The following ETNPPL variants were observed in gnomAD, a reference collection of about 807,000 sequenced individuals.
The protein encoded by ETNPPL is ethanolamine-phosphate phospho-lyase.
A neutral mutation model predicts 55.5 loss-of-function variants in ETNPPL; 30 were observed. That is an observed-to-expected ratio of 0.54 (90% CI 0.40 to 0.73). The LOEUF (loss-of-function observed/expected upper bound fraction) is 0.73, where lower values mean the gene tolerates loss of function less well. Ranked by LOEUF, ETNPPL falls within the 30% of genes least tolerant of loss-of-function variation. The pLI, the probability that ETNPPL is intolerant of heterozygous loss-of-function variation, is 0.00. For synonymous variants in ETNPPL, 202 were observed against 207.2 expected (o/e 0.98, Z 0.21); for missense variants, 528 against 607.9 (o/e 0.87, Z 1.38).
intron 1 of ETNPPL, chr4:108,762,470 G>C: frequency 1.6e-6 from 1 of 636,382 alleles, no homozygotes; most frequent in African/African-American, 1.8e-5. Context: ...AAAAACTTTC[G>C]AGTTGTGTGG....
chr4:108,761,909 G>A (rs1014637651), intron 1 of ETNPPL, among the ~76,000 whole-genome samples: 3 of 152,310 alleles, frequency 2.0e-5, no homozygotes, highest in Non-Finnish European at 4.4e-5. Flanking sequence ...GTAACCCCAA[G>A]TGCTCTCTCA....
chr4:108,757,160 A>G (rs1167206220), intron 3 of ETNPPL, among the ~76,000 whole-genome samples: 2 of 152,166 alleles, frequency 1.3e-5, no homozygotes, highest in African/African-American at 4.8e-5. Context: ...TGCCAACCCT[A>G]TGTCATATTT....
chr4:108,749,106 GAA>G (rs1728764592), intron 8 of ETNPPL, 130 bp downstream of exon 8: 1 of 588,766 alleles, frequency 1.7e-6, no homozygotes, highest in African/African-American at 1.9e-5. Flanking sequence ...ATTAAAATAA[GAA>G]AAAACTTTGG....
chr4:108,762,086 A>G (rs548473684), intron 1 of ETNPPL: 35 of 203,166 alleles, frequency 1.7e-4, no homozygotes, highest in Admixed American at 2.5e-4. Context: ...TGTGAAGTAG[A>G]ATGTTATTCC....
At chr4:108,754,555 G>A in intron 5 of ETNPPL, 65 bp downstream of exon 5, 1 of 889,190 alleles carries the variant, frequency 1.1e-6, no homozygotes, top group Non-Finnish European at 1.8e-6. Flanking sequence ...TGAAAGCATT[G>A]GCTGGATTAT....
chr4:108,752,688 G>T lies in ETNPPL; in HGVS notation c.618+207C>A, dbSNP rs900736218. On this transcript the variant is annotated intron_variant, in intron 6 of 12. Transcript: ENST00000296486. ...CCAGTTCTGGAACCAGATAATGGTT[G>T]TATTTCCAGGATAAATACAAGTAGA... 7.9e-5 allele frequency among the ~76,000 whole-genome samples: 12 copies of T among 152,310 alleles called. No individual in the cohort carries two copies. The South Asian group carries it at 1.5e-3, about 18-fold the overall frequency.
rs146154524 is a variant in ETNPPL at position 108,757,864 on chromosome 4, A to G, written c.336-1372T>C. Among the ~76,000 whole-genome samples, 1,367 of 152,000 alleles carry G rather than the reference A, an allele frequency of 9.0e-3. 18 individuals carry two copies. The highest frequency in any genetic ancestry group is 0.028 in the African/African-American group (1,153 of 41,382). On this transcript the variant is annotated intron_variant, in intron 3 of 12. Coordinates refer to ENST00000296486, the MANE Select transcript of ETNPPL (RefSeq NM_031279.4). Reference sequence around the variant, plus strand: ...ACCCTGTAACCCCAACACTTTGGGAAGCCGAGCCAGGCACAGTAGTGTGAC... The same window carrying G: ...ACCCTGTAACCCCAACACTTTGGGAGGCCGAGCCAGGCACAGTAGTGTGAC...
At position 108,749,064 on chromosome 4, in the gene ETNPPL, T is replaced by TA. The variant is rs1560652330; in HGVS notation, c.927+173_927+174insT. On this transcript the variant is annotated intron_variant, in intron 8 of 12. Transcript: ENST00000296486. ...GTATCCCAGAACTTAAAGTATAATTTTATATATATATGTAAGTATTTAAGA... is the reference window on the plus strand; with the variant it reads ...GTATCCCAGAACTTAAAGTATAATTTATATATATATATGTAAGTATTTAAGA... 3.3e-5 allele frequency among the ~76,000 whole-genome samples: 5 copies of TA among 151,724 alleles called. No homozygotes were observed. In the East Asian group the frequency reaches 7.8e-4, roughly 24 times the overall value.
chr4:108,747,749 G>A, intron 9 of ETNPPL: 1 of 317,790 alleles, frequency 3.1e-6, no homozygotes, highest in South Asian at 7.3e-5. Context: ...TATTGTTAGA[G>A]ACGGGATTTC....
intron 6 of ETNPPL, among the ~76,000 whole-genome samples, chr4:108,751,895 T>C (rs1012873840): frequency 4.6e-5 from 7 of 152,254 alleles, no homozygotes; most frequent in African/African-American, 1.7e-4. Context: ...AATGCTAATG[T>C]TCTCAAAAAA....
chr4:108,753,764 G>GAAAGA (rs1412332391), intron 5 of ETNPPL, among the ~76,000 whole-genome samples: 20 of 116,426 alleles, frequency 1.7e-4, no homozygotes, highest in Admixed American at 1.3e-3. Context: ...AAGAAAGAAA[G>GAAAGA]AAAGAAAGAA....
At chr4:108,762,805 C>A (rs780056279) in intron 1 of ETNPPL, 38 bp downstream of exon 1, 19 of 1,609,588 alleles carry the variant, frequency 1.2e-5, no homozygotes, top group Middle Eastern at 3.3e-4. Flanking sequence ...CGTTATTGCC[C>A]CCTCTCTGCA....
At chr4:108,762,081 A>G (rs1729532361) in intron 1 of ETNPPL, 1 of 199,484 alleles carries the variant, frequency 5.0e-6, no homozygotes, top group Admixed American at 5.0e-5. Flanking sequence ...GCTCCTGTGA[A>G]GTAGAATGTT....
rs565983331 is a variant in ETNPPL at position 108,743,841 on chromosome 4, A to G, written c.1319T>C (p.Met440Thr). 4.3e-6 allele frequency: 7 copies of G among 1,609,848 alleles called. No homozygotes were observed. The East Asian group carries it at 1.1e-4, about 26-fold the overall frequency. ...DRILTVLEEA[M>T]GTKTESVTSE... ...GGTCACACTTTCGGTTTTGGTTCCC[A>G]TAGCTTCTTCTAAAACTGAATCAAG... The change falls in exon 12 of 13, where the codon ATG becomes ACG. Residue 440 changes from methionine to threonine, a missense_variant. Physicochemically the swap from Met to Thr is moderately conservative, Grantham distance 81 (BLOSUM62 -1). Transcript: ENST00000296486.
chr4:108,753,759 A>AGAAG lies in ETNPPL; in HGVS notation c.502-749_502-748insCTTC, dbSNP rs1460241462. On this transcript the variant is annotated intron_variant, in intron 5 of 12. Transcript: ENST00000296486. The stretch of plus-strand genomic sequence containing the variant: ...TCCGTCTCAAATAAATAAGAAAGAA[A>AGAAG]GAAAGAAAGAAAGAAAGAAAGAAAG... 4.5e-4 allele frequency among the ~76,000 whole-genome samples: 56 copies of AGAAG among 124,446 alleles called. 1 individual carries two copies. The highest frequency in any genetic ancestry group is 4.2e-3 in the Middle Eastern group (1 of 238). 81.6% of individuals were successfully genotyped at this position (124,446 alleles called of 152,430 possible). A position where few individuals can be genotyped will look rare whatever the true frequency, so the allele number is the denominator to read the frequency against.
intron 8 of ETNPPL, 75 bp from the exon 9 acceptor site, chr4:108,748,234 G>T: frequency 9.1e-7 from 1 of 1,097,188 alleles, no homozygotes; most frequent in Non-Finnish European, 1.3e-6. Flanking sequence ...TGAGAAATTT[G>T]GCTCATACAT....
chr4:108,750,555 G>C (rs965472354), intron 7 of ETNPPL, among the ~76,000 whole-genome samples: 1 of 144,444 alleles, frequency 6.9e-6, no homozygotes, highest in Non-Finnish European at 1.5e-5. Context: ...CGATATATAT[G>C]ATATGTGATA....
intron 11 of ETNPPL, among the ~76,000 whole-genome samples, chr4:108,744,715 A>AT (rs530380404): frequency 0.035 from 4,186 of 120,788 alleles, 108 homozygotes; most frequent in African/African-American, 0.084. Context: ...AGAAGTTGAA[A>AT]TTTTTTTTTT....
chr4:108,762,424 C>A (rs1189686646), intron 1 of ETNPPL: 1 of 550,526 alleles, frequency 1.8e-6, no homozygotes, highest in Non-Finnish European at 3.5e-6. Flanking sequence ...GTTTGCGGAG[C>A]CATCATGAAA....
Sources: allele counts gnomAD v4.1 joint callset (sites outside exome capture counted in the v4.1 genomes callset), GRCh38; gene constraint gnomAD v4.1.1; transcripts MANE v1.5; gene names NCBI Gene and HGNC (gene_info 2026-07-23, HGNC 2026-07-21).